The following APOBEC3F variants were observed in gnomAD, a reference collection of about 807,000 sequenced individuals.
APOBEC3F encodes apolipoprotein B mRNA editing enzyme catalytic subunit 3F.
In APOBEC3F, 34 loss-of-function variants were observed where a neutral mutation model predicts 45.8. The ratio of observed to expected loss-of-function variants is 0.74; its 90% CI spans 0.57 to 0.99. The LOEUF is 0.99. Ranked by LOEUF, APOBEC3F falls within the 50% of genes least tolerant of loss-of-function variation. APOBEC3F has a pLI of 0.00. For synonymous variants in APOBEC3F, 192 were observed against 174.4 expected, an observed-to-expected ratio of 1.10 and a Z score of -0.80; for missense variants, 459 against 474.1, an observed-to-expected ratio of 0.97 and a Z score of 0.30.
chr22:39,044,145 C>T, intron 2 of APOBEC3F: 1 of 1,585,186 alleles, frequency 6.3e-7, no homozygotes, highest in Non-Finnish European at 8.6e-7. Flanking sequence ...GCCAGTGCGC[C>T]CCACCACATG....
chr22:39,045,377 C>CGGGCCCAGGGTCAGGGCAGAGCCCA, intron 3 of APOBEC3F, 51 bp from the exon 4 acceptor site: 1 of 1,613,084 alleles, frequency 6.2e-7, no homozygotes, highest in Non-Finnish European at 8.5e-7. Context: ...CCTGGGAGCG[C>CGGGCCCAGGGTCAGGGCAGAGCCCA]GGGCCCAGGG....
chr22:39,044,093 CT>C, intron 2 of APOBEC3F: 1 of 1,549,888 alleles, frequency 6.5e-7, no homozygotes. Context: ...GTGCCCAGGT[CT>C]TTCATCAGAG....
intron 5 of APOBEC3F, 58 bp from the exon 6 acceptor site, chr22:39,052,016 C>T: frequency 6.3e-7 from 1 of 1,599,434 alleles, no homozygotes; most frequent in Non-Finnish European, 8.5e-7. Flanking sequence ...CGCCCCACCC[C>T]TGCACTCCTC....
At chr22:39,041,076 A>T in intron 1 of APOBEC3F, 99 bp downstream of exon 1, 1 of 1,401,392 alleles carries the variant, frequency 7.1e-7, no homozygotes, top group Non-Finnish European at 9.3e-7. Flanking sequence ...CCCCAGCCCC[A>T]GCCCTGGGCT....
chr22:39,046,597 A>AT (rs1927234599), intron 4 of APOBEC3F, among the ~76,000 whole-genome samples: 1 of 151,640 alleles, frequency 6.6e-6, no homozygotes, highest in Non-Finnish European at 1.5e-5. Flanking sequence ...ACACTCAGTG[A>AT]TCAAGGTCCC....
chr22:39,049,655 G>A lies in APOBEC3F; in HGVS notation c.723+74G>A, dbSNP rs1029577811. On this transcript the variant is annotated intron_variant, in intron 5 of 6. Transcript: ENST00000308521. Reference sequence around the variant, plus strand: ...GAATGCAGAAAACACAATAAGTGACGTGCCTGGCGTGGGCTTTCCTGTGTG... The same window carrying A: ...GAATGCAGAAAACACAATAAGTGACATGCCTGGCGTGGGCTTTCCTGTGTG... 14 of 1,544,058 alleles carry A rather than the reference G, an allele frequency of 9.1e-6. No individual in the cohort carries two copies. The East Asian group carries it at 2.7e-4, about 30-fold the overall frequency.
At chr22:39,052,416 C>T in intron 6 of APOBEC3F, 63 bp downstream of exon 6, 1 of 1,597,260 alleles carries the variant, frequency 6.3e-7, no homozygotes, top group Non-Finnish European at 8.6e-7. Context: ...GCAGGTGTGT[C>T]TGCAATGCCG....
chr22:39,049,900 A>T (rs903037654), intron 5 of APOBEC3F, among the ~76,000 whole-genome samples: 1 of 151,428 alleles, frequency 6.6e-6, no homozygotes, highest in Non-Finnish European at 1.5e-5. Context: ...ACGGGGTTTC[A>T]CCGTGGTGAC....
chr22:39,051,939 G>A, intron 5 of APOBEC3F, 135 bp from the exon 6 acceptor site: 1 of 1,349,914 alleles, frequency 7.4e-7, no homozygotes, highest in Non-Finnish European at 1.0e-6. Flanking sequence ...TGGGCAACAG[G>A]AGAGACCCTG....
At chr22:39,046,517 C>T (rs1346362067) in intron 4 of APOBEC3F, among the ~76,000 whole-genome samples, 7 of 152,182 alleles carry the variant, frequency 4.6e-5, no homozygotes, top group South Asian at 2.1e-4. Context: ...CCCAGCCCGG[C>T]CTCTGCTCAC....
chr22:39,042,353 C>A (rs1296715157), intron 1 of APOBEC3F, among the ~76,000 whole-genome samples: 1 of 149,068 alleles, frequency 6.7e-6, no homozygotes, highest in Admixed American at 6.7e-5. Context: ...CTCTTGTAGC[C>A]CAGGCTGGAG....
chr22:39,043,683 G>C (rs912313907), intron 2 of APOBEC3F, among the ~76,000 whole-genome samples: 1 of 151,844 alleles, frequency 6.6e-6, no homozygotes, highest in African/African-American at 2.4e-5. Context: ...TTCTTGACAA[G>C]ATAATGAAGT....
Position 39,053,322 on chromosome 22 carries a change from C to G in APOBEC3F, c.*627C>G, listed in dbSNP as rs1421723322. The G allele has an allele frequency of 6.6e-6, 1 of 151,910 alleles. No individual in the cohort carries two copies. Among genetic ancestry groups the G allele is most frequent in the Non-Finnish European group, 1.5e-5 (1 of 67,972 alleles). The allele number at this position is 151,910 out of a possible 1,614,324, so 9.4% of individuals were successfully genotyped here. ...ACAACCAAATCTTATTAAACTCACC[C>G]TAGGCTGGCCGCGGTGACTCATGCC... On this transcript the variant is annotated 3_prime_UTR_variant, in exon 7 of 7. Coordinates refer to ENST00000308521, the MANE Select transcript of APOBEC3F (RefSeq NM_145298.6).
chr22:39,051,883 G>A (rs1299357587), intron 5 of APOBEC3F, among the ~76,000 whole-genome samples, 191 bp from the exon 6 acceptor site: 1 of 152,136 alleles, frequency 6.6e-6, no homozygotes, highest in Admixed American at 6.5e-5. Context: ...GAGCCTGGGA[G>A]GTCAAGGCTG....
Position 39,040,904 on chromosome 22 carries a change from G to T in APOBEC3F, c.-57G>T. On this transcript the variant is annotated 5_prime_UTR_variant, in exon 1 of 7. Transcript: ENST00000308521. The stretch of plus-strand genomic sequence containing the variant: ...GTCCTGAAACCTGGAGCCTGGAGCA[G>T]AAAGTGAAACCCTGGTGCTCCAGAC... 6.4e-7 allele frequency: 1 copy of T among 1,554,828 alleles called. No homozygotes were observed. The highest frequency in any genetic ancestry group is 1.2e-5 in the South Asian group (1 of 84,276).
At chr22:39,049,110 G>C (rs1927358251) in intron 4 of APOBEC3F, among the ~76,000 whole-genome samples, 2 of 152,202 alleles carry the variant, frequency 1.3e-5, no homozygotes, top group Admixed American at 6.6e-5. Flanking sequence ...GAGCTGAAAT[G>C]TTCAAGCAAT....
At chr22:39,041,066 C>G (rs901614304) in intron 1 of APOBEC3F, 89 bp downstream of exon 1, 2 of 1,540,570 alleles carry the variant, frequency 1.3e-6, no homozygotes, top group African/African-American at 2.7e-5. Context: ...CCTCCCCCTG[C>G]CCCAGCCCCA....
At chr22:39,049,666 G>A in intron 5 of APOBEC3F, 85 bp downstream of exon 5, 1 of 1,495,692 alleles carries the variant, frequency 6.7e-7, no homozygotes, top group Non-Finnish European at 9.1e-7. Context: ...TGCCTGGCGT[G>A]GGCTTTCCTG....
chr22:39,045,382 CCA>C, intron 3 of APOBEC3F, 44 bp from the exon 4 acceptor site: 1 of 1,613,636 alleles, frequency 6.2e-7, no homozygotes, highest in Non-Finnish European at 8.5e-7. Flanking sequence ...GAGCGCGGGC[CCA>C]GGGTCAGGGC....
Sources: gnomAD v4.1 joint callset for allele counts (sites outside exome capture counted in the v4.1 genomes callset) on GRCh38, gnomAD v4.1.1 for gene constraint, MANE v1.5 for transcripts, NCBI Gene and HGNC (gene_info 2026-07-23, HGNC 2026-07-21) for gene names.